Variants in NRG1 observed in about 807,000 individuals in gnomAD.
NRG1 encodes the protein neuregulin 1.
Under a neutral mutation model 63.8 loss-of-function variants are expected in NRG1, and 18 were observed. That is an observed-to-expected ratio of 0.28 (90% confidence interval 0.19 to 0.42). The LOEUF (loss-of-function observed/expected upper bound fraction) is 0.42, where lower values mean the gene tolerates loss of function less well. Among genes scored for constraint, NRG1 ranks in the 10% least tolerant of loss-of-function variants. The pLI is 1.00. For missense variants in NRG1, 762 were observed against 814.7 expected (o/e 0.94, Z 0.79); for synonymous variants, 302 against 301.3 (o/e 1.00, Z -0.02).
intron 5 of NRG1, among the ~76,000 whole-genome samples, chr8:32,658,609 C>T (rs900083274): frequency 4.1e-5 from 5 of 121,786 alleles, no homozygotes; most frequent in African/African-American, 1.4e-4. Context: ...AACCAAATCT[C>T]TTATTTTATC....
intron 5 of NRG1, 111 bp downstream of exon 5, chr8:32,616,996 GT>G: frequency 1.2e-6 from 1 of 801,074 alleles, no homozygotes; most frequent in Non-Finnish European, 2.1e-6. Flanking sequence ...AGAGTATTGA[GT>G]TTGGCAATAG....
At chr8:31,827,322 T>C (rs1824667119) in intron 1 of NRG1, among the ~76,000 whole-genome samples, 1 of 152,260 alleles carries the variant, frequency 6.6e-6, no homozygotes, top group Non-Finnish European at 1.5e-5. Flanking sequence ...GCAAGGTATT[T>C]GTCTTAGAAG....
At chr8:32,094,219 C>T in intron 1 of NRG1, among the ~76,000 whole-genome samples, 1 of 152,146 alleles carries the variant, frequency 6.6e-6, no homozygotes, top group Non-Finnish European at 1.5e-5. Flanking sequence ...AGCCCAAACC[C>T]AGCATTGCTT....
intron 1 of NRG1, among the ~76,000 whole-genome samples, chr8:32,081,876 T>C (rs1411073326): frequency 6.6e-6 from 1 of 152,104 alleles, no homozygotes; most frequent in Non-Finnish European, 1.5e-5. Context: ...GGAGGCTCTT[T>C]GATTCTTCAT....
rs572276127 is a variant in NRG1 at position 32,325,561 on chromosome 8, T to C, written c.38-270267T>C. On this transcript the variant is annotated intron_variant, in intron 1 of 10. Transcript: ENST00000519301. Reference sequence around the variant, plus strand: ...TGCCTGGTTAATTTTTTATATTTTGTAGAGATAGGGTTTCACCATGTTGAC... The same window carrying C: ...TGCCTGGTTAATTTTTTATATTTTGCAGAGATAGGGTTTCACCATGTTGAC... Among the ~76,000 whole-genome samples, 5 of 152,218 alleles carry C rather than the reference T, an allele frequency of 3.3e-5. No homozygotes were observed. In the South Asian group the frequency reaches 1.0e-3, roughly 32 times the overall value.
rs1827642454 is a variant in NRG1, at chr8:32,082,618, TA to T, written c.37+443190del. Among the ~76,000 whole-genome samples the T allele has an allele frequency of 2.0e-5, 3 of 152,282 alleles. No individual in the cohort carries two copies. In the South Asian group the frequency reaches 6.2e-4, roughly 32 times the overall value. On this transcript the variant is annotated intron_variant, in intron 1 of 10. Transcript: ENST00000519301. Reference sequence around the variant, plus strand: ...AGAAGAGTGGCAGAAAACTATATCTTAAATATATTCTTTATCTTTTGTCAGT... The same window carrying T: ...AGAAGAGTGGCAGAAAACTATATCTTAATATATTCTTTATCTTTTGTCAGT...
chr8:32,345,873 T>C (rs1804821780), intron 1 of NRG1, among the ~76,000 whole-genome samples: 1 of 151,788 alleles, frequency 6.6e-6, no homozygotes, highest in African/African-American at 2.4e-5. Context: ...CTGGGCATGG[T>C]GGCACGTGCC....
rs148712521 is a variant in NRG1, at chr8:32,663,398, A to G, written c.502+46513A>G. ...ATGCATGTATTCCTCAAGGTCAAGCATTTCTTTTATCCATGTACAGATGCT... is the reference window on the plus strand; with the variant it reads ...ATGCATGTATTCCTCAAGGTCAAGCGTTTCTTTTATCCATGTACAGATGCT... On this transcript the variant is annotated intron_variant, in intron 5 of 11. Coordinates refer to ENST00000356819, the Ensembl canonical transcript of NRG1. 5.2e-3 allele frequency among the ~76,000 whole-genome samples: 794 copies of G among 152,228 alleles called. 8 individuals are homozygous for G. Among genetic ancestry groups the G allele is most frequent in the African/African-American group, 0.018 (756 of 41,542 alleles).
At chr8:31,925,493 C>G (rs1007992971) in intron 1 of NRG1, among the ~76,000 whole-genome samples, 1 of 151,950 alleles carries the variant, frequency 6.6e-6, no homozygotes, top group African/African-American at 2.4e-5. Flanking sequence ...ATTCTCAATT[C>G]TATATTTGAT....
At chr8:32,680,109 C>T (rs1388316476) in intron 5 of NRG1, among the ~76,000 whole-genome samples, 1 of 152,124 alleles carries the variant, frequency 6.6e-6, no homozygotes, top group Admixed American at 6.6e-5. Flanking sequence ...AGGTAAATGT[C>T]TAACATAATT....
rs144149893 is a variant in NRG1 at position 31,780,124 on chromosome 8, C to T, written c.37+140693C>T. Among the ~76,000 whole-genome samples, 529 of 152,288 alleles carry T rather than the reference C, an allele frequency of 3.5e-3. 2 individuals are homozygous for T. The highest frequency in any genetic ancestry group is 0.031 in the Middle Eastern group (9 of 294). On this transcript the variant is annotated intron_variant, in intron 1 of 10. Coordinates refer to the NRG1 transcript ENST00000519301. ...TGAGTCTTTATAAACAGAGGATTTA[C>T]TGGGAACTAGAGATGGAATTTTTAA...
At chr8:32,570,777 A>G (rs556692045) in intron 1 of NRG1, among the ~76,000 whole-genome samples, 120 of 152,324 alleles carry the variant, frequency 7.9e-4, no homozygotes, top group African/African-American at 2.4e-3. Flanking sequence ...TTGTATTGAT[A>G]CAAATTATTG....
At chr8:32,756,257 G>C in intron 8 of NRG1, 146 bp from the exon 9 acceptor site, 1 of 772,466 alleles carries the variant, frequency 1.3e-6, no homozygotes, top group Non-Finnish European at 1.9e-6. Flanking sequence ...CTTATTCTGG[G>C]ATACAGTGGA....
intron 1 of NRG1, among the ~76,000 whole-genome samples, chr8:31,912,855 C>T (rs1248849896): frequency 6.6e-6 from 1 of 152,042 alleles, no homozygotes; most frequent in Non-Finnish European, 1.5e-5. Context: ...TTTTAAGCCT[C>T]ACATGTAGTG....
chr8:32,031,010 C>T (rs757228079), intron 1 of NRG1, among the ~76,000 whole-genome samples: 9 of 152,264 alleles, frequency 5.9e-5, no homozygotes, highest in South Asian at 2.1e-4. Context: ...GCCCCTCTAG[C>T]GGGATCATAG....
At chr8:31,995,363 C>CT (rs1811793814) in intron 1 of NRG1, among the ~76,000 whole-genome samples, 1 of 151,968 alleles carries the variant, frequency 6.6e-6, no homozygotes, top group South Asian at 2.1e-4. Context: ...ATATTCTCCC[C>CT]TTTGTTTTAC....
chr8:32,118,940 A>G (rs1207824810), intron 1 of NRG1, among the ~76,000 whole-genome samples: 1 of 152,152 alleles, frequency 6.6e-6, no homozygotes, highest in Non-Finnish European at 1.5e-5. Flanking sequence ...CATCCCTGAG[A>G]AAAGAGAAAA....
At position 32,491,008 on chromosome 8, in the gene NRG1, C is replaced by G. The variant is rs80326323; in HGVS notation, c.38-104820C>G. On this transcript the variant is annotated intron_variant, in intron 1 of 10. Transcript: ENST00000519301. Reference sequence around the variant, plus strand: ...GAATACATAGTATATTAAGGGGTAACGTTTACAAATGTTCTTGAGAGAACT... The same window carrying G: ...GAATACATAGTATATTAAGGGGTAAGGTTTACAAATGTTCTTGAGAGAACT... Among the ~76,000 whole-genome samples the G allele has an allele frequency of 2.7e-3, 408 of 152,226 alleles. 4 individuals are homozygous for G. Among genetic ancestry groups the G allele is most frequent in the African/African-American group, 9.0e-3 (375 of 41,514 alleles).
intron 1 of NRG1, among the ~76,000 whole-genome samples, chr8:32,368,347 T>C (rs901617412): frequency 9.2e-5 from 14 of 152,246 alleles, no homozygotes; most frequent in South Asian, 2.1e-4. Context: ...GACAGGAAGA[T>C]TGCTTGAGCC....
Sources: allele counts gnomAD v4.1 joint callset (sites outside exome capture counted in the v4.1 genomes callset), GRCh38; gene constraint gnomAD v4.1.1; transcripts MANE v1.5; gene names NCBI Gene and HGNC (gene_info 2026-07-23, HGNC 2026-07-21).